Variants in IFNG-AS1 observed in about 807,000 individuals in gnomAD.
The protein encoded by IFNG-AS1 is IFNG antisense RNA 1 (non-protein coding).
intron 3 of IFNG-AS1, among the ~76,000 whole-genome samples, chr12:68,009,917 T>A (rs779133858): frequency 6.6e-6 from 1 of 152,226 alleles, no homozygotes; most frequent in Admixed American, 6.5e-5. Flanking sequence ...TGATGAGTTT[T>A]AAAAATAAAA....
intron 3 of IFNG-AS1, among the ~76,000 whole-genome samples, chr12:68,018,527 C>T (rs531694064): frequency 2.0e-5 from 3 of 152,238 alleles, no homozygotes; most frequent in African/African-American, 7.2e-5. Context: ...AGGCATAACA[C>T]CTTTCTTATC....
intron 3 of IFNG-AS1, among the ~76,000 whole-genome samples, chr12:68,015,954 A>C (rs567267590): frequency 1.4e-5 from 2 of 147,646 alleles, no homozygotes; most frequent in Admixed American, 1.3e-4. Context: ...GGGGGGGGGA[A>C]AAAAAACCTT....
intron 1 of IFNG-AS1, among the ~76,000 whole-genome samples, chr12:67,990,830 G>A (rs1251236435): frequency 1.3e-5 from 2 of 152,082 alleles, no homozygotes; most frequent in Non-Finnish European, 2.9e-5. Context: ...CTGACCTCGT[G>A]ATCCGCCCGC....
chr12:68,018,085 G>T (rs1379380132), intron 3 of IFNG-AS1, among the ~76,000 whole-genome samples: 1 of 151,952 alleles, frequency 6.6e-6, no homozygotes, highest in East Asian at 1.9e-4. Context: ...CCTCTGACTG[G>T]TACCTCAAAC....
intron 3 of IFNG-AS1, among the ~76,000 whole-genome samples, chr12:68,010,202 T>C (rs1312962807): frequency 6.6e-6 from 1 of 152,244 alleles, no homozygotes. Flanking sequence ...TACAGAGTGG[T>C]TCTGAAGTCT....
chr12:67,993,396 A>C (rs1188529700), intron 1 of IFNG-AS1, among the ~76,000 whole-genome samples: 1 of 152,216 alleles, frequency 6.6e-6, no homozygotes, highest in Non-Finnish European at 1.5e-5. Flanking sequence ...ATCTTAAACC[A>C]TTTATAAAAG....
chr12:68,020,499 T>C (rs184985694), intron 4 of IFNG-AS1: 1 of 152,290 alleles, frequency 6.6e-6, no homozygotes, highest in East Asian at 1.9e-4. Context: ...TCTTTGTCGC[T>C]GGACTAAAAG....
At chr12:68,011,071 A>G (rs966639553) in intron 3 of IFNG-AS1, among the ~76,000 whole-genome samples, 1 of 152,216 alleles carries the variant, frequency 6.6e-6, no homozygotes, top group Non-Finnish European at 1.5e-5. Flanking sequence ...CCATTTGGGC[A>G]CAGTCCTCAG....
At chr12:68,019,326 T>C (rs1880231812) in intron 3 of IFNG-AS1, among the ~76,000 whole-genome samples, 1 of 152,150 alleles carries the variant, frequency 6.6e-6, no homozygotes, top group Middle Eastern at 3.2e-3. Flanking sequence ...TATCAACTTA[T>C]TGAAGATACC....
At chr12:68,001,124 C>T (rs1879757940) in intron 2 of IFNG-AS1, among the ~76,000 whole-genome samples, 1 of 152,120 alleles carries the variant, frequency 6.6e-6, no homozygotes, top group Admixed American at 6.5e-5. Context: ...TACAAACACA[C>T]ATATAATGTA....
intron 1 of IFNG-AS1, among the ~76,000 whole-genome samples, chr12:67,992,605 T>C (rs773187248): frequency 6.6e-6 from 1 of 152,238 alleles, no homozygotes; most frequent in African/African-American, 2.4e-5. Flanking sequence ...TTTTAATGTA[T>C]GTTTACATGC....
At chr12:67,989,673 T>G (rs1879457565) in intron 1 of IFNG-AS1, 1 of 152,100 alleles carries the variant, frequency 6.6e-6, no homozygotes, top group African/African-American at 2.4e-5. Flanking sequence ...GTGGGTGGAA[T>G]TAGGAGAACC....
At position 68,013,465 on chromosome 12, in the gene IFNG-AS1, A is replaced by G. The variant is rs919259081; in HGVS notation, n.242-6397A>G. On this transcript the variant is annotated intron_variant and non_coding_transcript_variant, in intron 3 of 5. Coordinates refer to ENST00000536914, the Ensembl canonical transcript of IFNG-AS1. ...GAGGTACAGTAGGTTACATGTCACA[A>G]ATATATTTAATCTTTGAATTCCTCC... The G allele has an allele frequency of 5.3e-5, 8 of 152,232 alleles. No homozygotes were observed. In the East Asian group the frequency reaches 1.5e-3, roughly 29 times the overall value. 9.4% of individuals were successfully genotyped at this position (152,232 alleles called of 1,614,324 possible).
chr12:68,013,914 A>G lies in IFNG-AS1; in HGVS notation n.242-5948A>G, dbSNP rs147741529. On this transcript the variant is annotated intron_variant and non_coding_transcript_variant, in intron 3 of 5. Transcript: ENST00000536914. Reference sequence around the variant, plus strand: ...ACCCGAGCAGTGTACACTGCACCCTATTTGTAGTCTTTTACCCCTCGCTCC... The same window carrying G: ...ACCCGAGCAGTGTACACTGCACCCTGTTTGTAGTCTTTTACCCCTCGCTCC... 7.2e-5 allele frequency among the ~76,000 whole-genome samples: 11 copies of G among 152,140 alleles called. No individual in the cohort carries two copies. The East Asian group carries it at 2.1e-3, about 29-fold the overall frequency.
chr12:68,017,101 A>C lies in IFNG-AS1; in HGVS notation n.242-2761A>C, dbSNP rs115490685. 4.9e-3 allele frequency among the ~76,000 whole-genome samples: 740 copies of C among 152,306 alleles called. 3 individuals are homozygous for C. Among genetic ancestry groups the C allele is most frequent in the African/African-American group, 0.017 (688 of 41,552 alleles). On this transcript the variant is annotated intron_variant and non_coding_transcript_variant, in intron 3 of 5. Transcript: ENST00000536914. Reference sequence around the variant, plus strand: ...ATCAGGGAAGGTCTGAGACCTGAGAAAGAGCCAAGTATGGAAACAGTCTTT... The same window carrying C: ...ATCAGGGAAGGTCTGAGACCTGAGACAGAGCCAAGTATGGAAACAGTCTTT...
At chr12:68,009,867 C>A (rs1250462670) in intron 3 of IFNG-AS1, among the ~76,000 whole-genome samples, 1 of 152,068 alleles carries the variant, frequency 6.6e-6, no homozygotes, top group Non-Finnish European at 1.5e-5. Context: ...GAATTCAGTG[C>A]TGCAGTATTA....
chr12:68,007,497 G>A (rs925468856), intron 3 of IFNG-AS1, among the ~76,000 whole-genome samples: 1 of 152,132 alleles, frequency 6.6e-6, no homozygotes, highest in African/African-American at 2.4e-5. Flanking sequence ...ATAAATAATG[G>A]ATGAAATGAT....
At chr12:68,016,852 G>C in intron 3 of IFNG-AS1, among the ~76,000 whole-genome samples, 1 of 152,138 alleles carries the variant, frequency 6.6e-6, no homozygotes, top group Non-Finnish European at 1.5e-5. Context: ...TTGTTCATCA[G>C]AAATGTATTG....
chr12:68,001,872 T>C (rs1038195984), intron 2 of IFNG-AS1, among the ~76,000 whole-genome samples: 3 of 152,104 alleles, frequency 2.0e-5, no homozygotes, highest in Non-Finnish European at 4.4e-5. Flanking sequence ...GGGAAAGCAG[T>C]TCACAGCATG....
Sources: allele counts gnomAD v4.1 joint callset (sites outside exome capture counted in the v4.1 genomes callset), GRCh38; gene constraint gnomAD v4.1.1; transcripts MANE v1.5; gene names NCBI Gene and HGNC (gene_info 2026-07-23, HGNC 2026-07-21).